QKI: variants seen among roughly 807,000 people sequenced by gnomAD.
QKI encodes the protein QKI, KH domain containing RNA binding.
QKI carries 10 observed loss-of-function variants against 39.0 expected under a neutral mutation model. The ratio of observed to expected loss-of-function variants is 0.26; its 90% CI spans 0.16 to 0.43. QKI has a LOEUF of 0.43. Ranked by LOEUF, QKI falls within the 20% of genes least tolerant of loss-of-function variation. The pLI is 1.00. For synonymous variants in QKI, 204 were observed against 155.4 expected (o/e 1.31, Z -2.33); for missense variants, 218 against 428.0 (o/e 0.51, Z 4.33).
intron 3 of QKI, among the ~76,000 whole-genome samples, chr6:163,499,310 T>C (rs1166085096): frequency 6.6e-6 from 1 of 152,182 alleles, no homozygotes; most frequent in African/African-American, 2.4e-5. Context: ...ATTTGTAATA[T>C]TTAGATAGGC....
At chr6:163,506,948 A>G (rs1174863944) in intron 3 of QKI, among the ~76,000 whole-genome samples, 1 of 152,158 alleles carries the variant, frequency 6.6e-6, no homozygotes, top group African/African-American at 2.4e-5. Flanking sequence ...GTGTATAGTA[A>G]TCCTGTGGCC....
chr6:163,443,227 T>TTG (rs1347988113), intron 1 of QKI, among the ~76,000 whole-genome samples: 1 of 152,250 alleles, frequency 6.6e-6, no homozygotes, highest in Non-Finnish European at 1.5e-5. Flanking sequence ...TCAGTGCTTG[T>TTG]TGTAGTTCCT....
chr6:163,539,768 T>C (rs1781403221), intron 4 of QKI, among the ~76,000 whole-genome samples: 1 of 152,208 alleles, frequency 6.6e-6, no homozygotes, highest in South Asian at 2.1e-4. Flanking sequence ...CTAAGTTGCC[T>C]TCCAGAAAAT....
At chr6:163,467,109 A>G (rs1277776653) in intron 2 of QKI, among the ~76,000 whole-genome samples, 1 of 152,054 alleles carries the variant, frequency 6.6e-6, no homozygotes, top group African/African-American at 2.4e-5. Context: ...TTTTCAAAAG[A>G]GAATATACAG....
At chr6:163,462,704 A>G (rs1791443021) in intron 2 of QKI, among the ~76,000 whole-genome samples, 1 of 152,190 alleles carries the variant, frequency 6.6e-6, no homozygotes, top group South Asian at 2.1e-4. Flanking sequence ...CATCCTGGAA[A>G]TGTTTGTGTG....
chr6:163,451,587 ATT>A (rs1470464102), intron 1 of QKI, among the ~76,000 whole-genome samples: 1 of 152,182 alleles, frequency 6.6e-6, no homozygotes, highest in African/African-American at 2.4e-5. Context: ...ATGTCTAAAA[ATT>A]TCTCTTGATA....
intron 3 of QKI, among the ~76,000 whole-genome samples, chr6:163,509,530 C>A (rs963662892): frequency 1.3e-5 from 2 of 151,628 alleles, no homozygotes; most frequent in African/African-American, 4.8e-5. Flanking sequence ...TGTATGTGTA[C>A]ACGTGGACGT....
At chr6:163,518,685 C>T (rs1178080893) in intron 3 of QKI, among the ~76,000 whole-genome samples, 2 of 152,190 alleles carry the variant, frequency 1.3e-5, no homozygotes, top group Non-Finnish European at 2.9e-5. Flanking sequence ...GTGTTACTAA[C>T]TGTTGTCATT....
At chr6:163,441,226 T>C (rs765234869) in intron 1 of QKI, among the ~76,000 whole-genome samples, 3 of 152,206 alleles carry the variant, frequency 2.0e-5, no homozygotes, top group East Asian at 1.9e-4. Flanking sequence ...ATTGATGTAA[T>C]GAACATATGT....
chr6:163,536,948 C>G (rs964793713), intron 4 of QKI, among the ~76,000 whole-genome samples: 1 of 152,128 alleles, frequency 6.6e-6, no homozygotes, highest in African/African-American at 2.4e-5. Context: ...GTGACTCATG[C>G]CTATAATCCC....
At position 163,563,736 on chromosome 6, in the gene QKI, A is replaced by C. The variant is rs367646321; in HGVS notation, c.934+17A>C. 1 of 1,603,056 alleles carries C rather than the reference A, an allele frequency of 6.2e-7. No homozygotes were observed. The highest frequency in any genetic ancestry group is 8.5e-7 in the Non-Finnish European group (1 of 1,173,318). On this transcript the variant is annotated intron_variant, in intron 6 of 7. Coordinates refer to ENST00000361752, the MANE Select transcript of QKI (RefSeq NM_006775.3). ...GTGTATTAGGTAAGTTCTTCTCCCC[A>C]TGGGGTTAACAACATTCTCTTTATA...
chr6:163,432,535 G>T (rs547848846), intron 1 of QKI, among the ~76,000 whole-genome samples: 10 of 152,120 alleles, frequency 6.6e-5, no homozygotes, highest in Admixed American at 1.3e-4. Flanking sequence ...TAGGACTGCA[G>T]GGGTGAGCCA....
chr6:163,448,259 A>G (rs1338226562), intron 1 of QKI, among the ~76,000 whole-genome samples: 1 of 151,494 alleles, frequency 6.6e-6, no homozygotes, highest in African/African-American at 2.4e-5. Context: ...TTGTTTTTGG[A>G]CTTAGGATTG....
intron 4 of QKI, among the ~76,000 whole-genome samples, chr6:163,559,871 C>A (rs918688869): frequency 6.6e-6 from 1 of 152,260 alleles, no homozygotes; most frequent in East Asian, 1.9e-4. Context: ...CAGAGAGGAA[C>A]AAGACTATGT....
At chr6:163,512,927 A>G (rs906594634) in intron 3 of QKI, among the ~76,000 whole-genome samples, 1 of 152,172 alleles carries the variant, frequency 6.6e-6, no homozygotes, top group African/African-American at 2.4e-5. Flanking sequence ...TAATAAATAG[A>G]AAATGTATTG....
intron 4 of QKI, among the ~76,000 whole-genome samples, chr6:163,557,331 A>T (rs1782692635): frequency 6.6e-6 from 1 of 152,196 alleles, no homozygotes; most frequent in African/African-American, 2.4e-5. Flanking sequence ...CTGTGTCTTC[A>T]ATGGAGTACT....
intron 1 of QKI, among the ~76,000 whole-genome samples, chr6:163,452,815 C>T (rs1001175878): frequency 6.6e-6 from 1 of 152,150 alleles, no homozygotes; most frequent in African/African-American, 2.4e-5. Flanking sequence ...GAAATCTCCG[C>T]CTCCTGAGTA....
chr6:163,454,649 T>G (rs1008459846), intron 1 of QKI, among the ~76,000 whole-genome samples: 1 of 152,184 alleles, frequency 6.6e-6, no homozygotes, highest in Non-Finnish European at 1.5e-5. Flanking sequence ...GATCTTCTTT[T>G]CCTTACCCCT....
At chr6:163,526,699 C>T (rs1285161169) in intron 3 of QKI, among the ~76,000 whole-genome samples, 1 of 152,126 alleles carries the variant, frequency 6.6e-6, no homozygotes, top group African/African-American at 2.4e-5. Context: ...TCTTCTCAGC[C>T]TTAACTATGT....
Sources: allele counts gnomAD v4.1 joint callset (sites outside exome capture counted in the v4.1 genomes callset), GRCh38; gene constraint gnomAD v4.1.1; transcripts MANE v1.5; gene names NCBI Gene and HGNC (gene_info 2026-07-23, HGNC 2026-07-21).